Variants in TENM1 observed in about 807,000 individuals in gnomAD.
The protein encoded by TENM1 is teneurin transmembrane protein 1, also known as teneurin-1.
A neutral mutation model predicts 174.8 loss-of-function variants in TENM1; 35 were observed. The ratio of observed to expected loss-of-function variants is 0.20; its 90% CI spans 0.15 to 0.27. The LOEUF (loss-of-function observed/expected upper bound fraction) is 0.27. TENM1 is among the 10% of genes least tolerant of loss of function. The probability of loss-of-function intolerance (pLI) is 1.00; values close to 1 mark genes in which losing one functional copy is unlikely to be tolerated. For missense variants in TENM1, 1,633 were observed against 2,130.1 expected, an observed-to-expected ratio of 0.77 and a Z score of 4.59; for synonymous variants, 781 against 798.7, an observed-to-expected ratio of 0.98 and a Z score of 0.37.
At chrX:124,592,975 A>T (rs1186583048) in intron 11 of TENM1, among the ~76,000 whole-genome samples, 1 of 110,598 alleles carries the variant, frequency 9.0e-6, no homozygotes, top group Non-Finnish European at 1.9e-5. Context: ...CTGCATATAT[A>T]TTTCATCCTT....
At chrX:124,835,434 G>A (rs765796860) in intron 3 of TENM1, among the ~76,000 whole-genome samples, 18 of 111,889 alleles carry the variant, frequency 1.6e-4, no homozygotes, top group African/African-American at 5.8e-4. Context: ...TCATAATTAT[G>A]AAATATAATA....
At chrX:124,921,386 T>C (rs1253205040) in intron 1 of TENM1, among the ~76,000 whole-genome samples, 1 of 111,212 alleles carries the variant, frequency 9.0e-6, no homozygotes, top group African/African-American at 3.3e-5. Context: ...TAAAAAACTT[T>C]CCATTTATTT....
At chrX:124,604,928 A>G (rs1190726856) in intron 11 of TENM1, among the ~76,000 whole-genome samples, 1 of 108,482 alleles carries the variant, frequency 9.2e-6, no homozygotes, top group African/African-American at 3.3e-5. Flanking sequence ...ACTGACTGGC[A>G]TATATTATTT....
intron 3 of TENM1, among the ~76,000 whole-genome samples, chrX:124,764,757 A>G (rs984659551): frequency 9.2e-6 from 1 of 109,205 alleles, no homozygotes; most frequent in African/African-American, 3.3e-5. Flanking sequence ...ACTATATTAC[A>G]TTTAAATTCA....
chrX:124,471,550 A>C (rs1349038156), intron 22 of TENM1, among the ~76,000 whole-genome samples: 3 of 73,491 alleles, frequency 4.1e-5, no homozygotes, highest in African/African-American at 5.7e-5. Context: ...AATATATTAT[A>C]TATAATTATA....
chrX:124,811,881 G>A (rs1226468879), intron 3 of TENM1, among the ~76,000 whole-genome samples: 1 of 111,225 alleles, frequency 9.0e-6, no homozygotes, highest in Non-Finnish European at 1.9e-5. Flanking sequence ...TGAGCCTGCA[G>A]GACATTATGT....
intron 6 of TENM1, among the ~76,000 whole-genome samples, chrX:124,666,334 C>A (rs1216982615): frequency 9.0e-6 from 1 of 111,343 alleles, no homozygotes; most frequent in Non-Finnish European, 1.9e-5. Context: ...CCTCAACTAC[C>A]CAATAAATTT....
At chrX:124,554,665 C>T (rs1484372967) in intron 14 of TENM1, among the ~76,000 whole-genome samples, 1 of 112,047 alleles carries the variant, frequency 8.9e-6, no homozygotes, top group Non-Finnish European at 1.9e-5. Flanking sequence ...TTTCATTTTC[C>T]TATTTATTAA....
At chrX:124,482,935 C>T (rs1290384501) in intron 21 of TENM1, among the ~76,000 whole-genome samples, 2 of 112,326 alleles carry the variant, frequency 1.8e-5, no homozygotes, top group African/African-American at 6.5e-5. Flanking sequence ...TCTCCACATG[C>T]AATTGTGTCT....
chrX:124,681,594 C>T (rs774979778), intron 5 of TENM1, among the ~76,000 whole-genome samples: 73 of 111,572 alleles, frequency 6.5e-4, no homozygotes, highest in African/African-American at 2.0e-3. Context: ...GGGGATTTCA[C>T]TCTGTGTAAA....
At chrX:125,188,390 A>G in the TENM1 span, among the ~76,000 whole-genome samples, 1 of 110,627 alleles carries the variant, frequency 9.0e-6, no homozygotes, top group Admixed American at 9.6e-5. Context: ...AAGAAAAGAA[A>G]AGAAAAGAAA....
chrX:124,543,222 T>G (rs1013254356), intron 15 of TENM1, among the ~76,000 whole-genome samples: 3 of 112,607 alleles, frequency 2.7e-5, no homozygotes, highest in Non-Finnish European at 5.6e-5. Context: ...TCCCAAGCTG[T>G]GTAAATTTTC....
intron 11 of TENM1, among the ~76,000 whole-genome samples, chrX:124,631,581 C>T (rs780842533): frequency 9.0e-6 from 1 of 111,175 alleles, no homozygotes; most frequent in South Asian, 3.8e-4. Flanking sequence ...ATTCAAGAAG[C>T]TCAGCAAGTC....
At chrX:124,957,624 CAGA>C (rs1460242371) in intron 1 of TENM1, among the ~76,000 whole-genome samples, 1 of 106,707 alleles carries the variant, frequency 9.4e-6, no homozygotes, top group Non-Finnish European at 1.9e-5. Flanking sequence ...TTTTTTCCAC[CAGA>C]TGGCAATAAT....
chrX:124,975,837 C>A, the TENM1 span, among the ~76,000 whole-genome samples: 1 of 111,742 alleles, frequency 8.9e-6, no homozygotes, highest in African/African-American at 3.2e-5. Context: ...GATAACTATG[C>A]CAAAGGCAGC....
intron 1 of TENM1, among the ~76,000 whole-genome samples, chrX:124,946,602 C>G (rs2058406229): frequency 9.0e-6 from 1 of 111,272 alleles, no homozygotes; most frequent in South Asian, 3.8e-4. Flanking sequence ...AAAGAAGAAA[C>G]AGTGAATGAT....
intron 5 of TENM1, among the ~76,000 whole-genome samples, chrX:124,700,668 T>C (rs2052755335): frequency 9.0e-6 from 1 of 111,349 alleles, no homozygotes; most frequent in South Asian, 3.8e-4. Context: ...TATATTTAGA[T>C]TTAATGGGGA....
chrX:125,078,082 G>A, the TENM1 span, among the ~76,000 whole-genome samples: 2 of 111,699 alleles, frequency 1.8e-5, no homozygotes, highest in Non-Finnish European at 1.9e-5. Flanking sequence ...TCTTGGGTTG[G>A]CAGTGACTAG....
intron 1 of TENM1, among the ~76,000 whole-genome samples, chrX:124,960,602 T>C (rs934139953): frequency 1.8e-5 from 2 of 111,752 alleles, no homozygotes; most frequent in Admixed American, 9.5e-5. Flanking sequence ...CAAATTCCTT[T>C]TGATGAAACT....
Sources: gnomAD v4.1 joint callset for allele counts (sites outside exome capture counted in the v4.1 genomes callset) on GRCh38, gnomAD v4.1.1 for gene constraint, MANE v1.5 for transcripts, NCBI Gene and HGNC (gene_info 2026-07-23, HGNC 2026-07-21) for gene names.